Variants in ME2 observed in about 807,000 individuals in gnomAD.
ME2 encodes the protein malic enzyme 2.
In ME2, 60 loss-of-function variants were observed where a neutral mutation model predicts 73.7. The ratio of observed to expected loss-of-function variants is 0.81; its 90% CI spans 0.66 to 1.01. ME2 has a LOEUF of 1.01. ME2 is among the 50% of genes least tolerant of loss of function. The probability of loss-of-function intolerance (pLI) is 0.00; values close to 1 mark genes in which losing one functional copy is unlikely to be tolerated. For synonymous variants in ME2, 199 were observed against 236.9 expected, an observed-to-expected ratio of 0.84 and a Z score of 1.47; for missense variants, 594 against 705.5, an observed-to-expected ratio of 0.84 and a Z score of 1.79.
chr18:50,946,917 T>C, intron 15 of ME2, 100 bp from the exon 16 acceptor site: 1 of 829,680 alleles, frequency 1.2e-6, no homozygotes, highest in South Asian at 1.7e-5. Context: ...AAAAGAAGAA[T>C]GCCATTCTTC....
chr18:50,890,587 AT>A (rs940918648), intron 1 of ME2, among the ~76,000 whole-genome samples: 25 of 152,032 alleles, frequency 1.6e-4, no homozygotes, highest in African/African-American at 6.0e-4. Flanking sequence ...TATCTATATC[AT>A]TTTTTCCTTC....
chr18:50,879,591 C>T (rs1916263291), intron 1 of ME2, among the ~76,000 whole-genome samples: 1 of 152,236 alleles, frequency 6.6e-6, no homozygotes, highest in African/African-American at 2.4e-5. Context: ...GGTGCCTGGG[C>T]GCCCCGCTCT....
At chr18:50,901,524 T>G (rs1211473076) in intron 2 of ME2, among the ~76,000 whole-genome samples, 1 of 152,192 alleles carries the variant, frequency 6.6e-6, no homozygotes, top group Non-Finnish European at 1.5e-5. Context: ...GCTATTCATT[T>G]TTAGTGTGGA....
chr18:50,947,993 G>A lies in ME2; in HGVS notation c.*809G>A, dbSNP rs1372941343. Reference sequence around the variant, plus strand: ...TAGATGATTCTAGGAGGGAGTATAAGATACCTAATCATATGGGAACATCAC... The same window carrying A: ...TAGATGATTCTAGGAGGGAGTATAAAATACCTAATCATATGGGAACATCAC... On this transcript the variant is annotated 3_prime_UTR_variant, in exon 16 of 16. Coordinates refer to ENST00000321341, the MANE Select transcript of ME2 (RefSeq NM_002396.5). The A allele has an allele frequency of 6.6e-5, 10 of 152,304 alleles. No homozygotes were observed. The highest frequency in any genetic ancestry group is 3.4e-3 in the Middle Eastern group (1 of 294). The allele number at this position is 152,304 out of a possible 1,614,324, so 9.4% of individuals were successfully genotyped here.
chr18:50,902,650 GC>G (rs965432219), intron 2 of ME2, among the ~76,000 whole-genome samples: 5 of 152,172 alleles, frequency 3.3e-5, no homozygotes, highest in Admixed American at 3.3e-4. Flanking sequence ...ACTCGCCTCA[GC>G]CTCCCAAAGT....
intron 2 of ME2, among the ~76,000 whole-genome samples, chr18:50,905,194 C>T (rs896880447): frequency 1.3e-5 from 2 of 152,070 alleles, no homozygotes; most frequent in African/African-American, 4.8e-5. Flanking sequence ...ACCATGTTGG[C>T]CAGGATGGTC....
intron 13 of ME2, among the ~76,000 whole-genome samples, chr18:50,936,577 T>C (rs1285487131): frequency 6.6e-6 from 1 of 152,084 alleles, no homozygotes; most frequent in African/African-American, 2.4e-5. Flanking sequence ...CTCCGTTAAA[T>C]AGAGTTAAGC....
At chr18:50,924,899 C>G (rs1917510796) in intron 11 of ME2, among the ~76,000 whole-genome samples, 1 of 151,672 alleles carries the variant, frequency 6.6e-6, no homozygotes, top group African/African-American at 2.4e-5. Context: ...CCAGGCTGGT[C>G]TTGAACTCCT....
In ME2 at chr18:50,953,378, G is replaced by C. The variant is rs538543631; in HGVS notation, c.*6194G>C. ...CTCCCAAAGTGCTGGGATTACAGGC[G>C]TGAGCCACCGCGCCCGGCCTCACTT... On this transcript the variant is annotated 3_prime_UTR_variant, in exon 16 of 16. Transcript: ENST00000321341. 1 of 152,226 alleles carries C rather than the reference G, an allele frequency of 6.6e-6. No homozygotes were observed. The highest frequency in any genetic ancestry group is 2.4e-5 in the African/African-American group (1 of 41,472). The allele number at this position is 152,226 out of a possible 1,614,324, so 9.4% of individuals were successfully genotyped here.
intron 1 of ME2, among the ~76,000 whole-genome samples, chr18:50,888,707 A>G (rs949085610): frequency 3.3e-5 from 5 of 152,208 alleles, no homozygotes; most frequent in African/African-American, 1.2e-4. Context: ...ACTTGGTAAT[A>G]TGATACATAC....
intron 1 of ME2, among the ~76,000 whole-genome samples, chr18:50,882,431 T>C (rs996760112): frequency 4.6e-5 from 7 of 152,176 alleles, no homozygotes; most frequent in African/African-American, 1.7e-4. Context: ...CTCTAAAGGC[T>C]TGACACTATT....
At position 50,916,251 on chromosome 18, in the gene ME2, T is replaced by C. The variant is rs1917281975; in HGVS notation, c.468+8T>C. ...CCAGAAAATCATGTTAAGGTACTAA[T>C]AGCACAACCCTCCTTTTCACAATGT... On this transcript the variant is annotated splice_region_variant and intron_variant, in intron 5 of 15. Coordinates refer to ENST00000321341, the MANE Select transcript of ME2 (RefSeq NM_002396.5). The C allele has an allele frequency of 6.3e-7, 1 of 1,594,114 alleles. No individual in the cohort carries two copies. Among genetic ancestry groups the C allele is most frequent in the South Asian group, 1.1e-5 (1 of 89,880 alleles).
At chr18:50,944,686 C>G (rs1283651617) in intron 15 of ME2, among the ~76,000 whole-genome samples, 2 of 152,202 alleles carry the variant, frequency 1.3e-5, no homozygotes, top group African/African-American at 2.4e-5. Flanking sequence ...GAATAAAACA[C>G]TAGCTCACAT....
intron 13 of ME2, 179 bp downstream of exon 13, chr18:50,932,539 A>G (rs1488069809): frequency 5.0e-5 from 23 of 456,266 alleles, no homozygotes; most frequent in Non-Finnish European, 7.8e-5. Flanking sequence ...CTGAAAATTT[A>G]TTCATATTGT....
intron 12 of ME2, among the ~76,000 whole-genome samples, chr18:50,927,802 G>T (rs1917595429): frequency 4.4e-5 from 5 of 112,932 alleles, no homozygotes; most frequent in African/African-American, 1.0e-4. Flanking sequence ...ATTATATCTT[G>T]TCATTTAATT....
chr18:50,947,221 G>C lies in ME2; in HGVS notation c.*37G>C, dbSNP rs762858412. On this transcript the variant is annotated 3_prime_UTR_variant, in exon 16 of 16. Coordinates refer to ENST00000321341, the MANE Select transcript of ME2 (RefSeq NM_002396.5). ...TGATAAATACTTTCTGTGCTCCAGG[G>C]AACCCCTTTTTTCAGACAAGAAGAG... 6 of 1,590,112 alleles carry C rather than the reference G, an allele frequency of 3.8e-6. No homozygotes were observed. The East Asian group carries it at 1.3e-4, about 36-fold the overall frequency.
intron 2 of ME2, 134 bp from the exon 3 acceptor site, chr18:50,907,929 A>G (rs1214921212): frequency 4.8e-6 from 3 of 619,772 alleles, no homozygotes; most frequent in East Asian, 3.0e-5. Flanking sequence ...TCAGTCTTAC[A>G]AAGTTTTGAA....
intron 2 of ME2, among the ~76,000 whole-genome samples, chr18:50,902,617 G>T (rs558250657): frequency 1.3e-5 from 2 of 152,052 alleles, no homozygotes; most frequent in African/African-American, 2.4e-5. Flanking sequence ...GGCTGATCTC[G>T]AACTCCTGAC....
At position 50,895,829 on chromosome 18, in the gene ME2, C is replaced by T. The variant is rs1916726720; in HGVS notation, c.9C>T (p.Ser3=). The stretch of plus-strand genomic sequence containing the variant: ...CTCAGGTGAAAGAAAAGATGTTGTC[C>T]CGGTTAAGAGTAGTTTCCACCACTT... ML[S]RLRVVSTTCT... is the part of the protein sequence containing the mutation. Residue 3 remains serine, a synonymous_variant, in exon 2 of 16, where the codon TCC becomes TCT. Transcript: ENST00000321341. 5 of 1,611,010 alleles carry T rather than the reference C, an allele frequency of 3.1e-6. No homozygotes were observed. In the East Asian group the frequency reaches 1.1e-4, roughly 36 times the overall value.
Sources: allele counts gnomAD v4.1 joint callset (sites outside exome capture counted in the v4.1 genomes callset), GRCh38; gene constraint gnomAD v4.1.1; transcripts MANE v1.5; gene names NCBI Gene and HGNC (gene_info 2026-07-23, HGNC 2026-07-21).